The following CSMD1 variants were observed in gnomAD, a reference collection of about 807,000 sequenced individuals.
CSMD1 encodes the protein CUB and sushi domain-containing protein 1.
A neutral mutation model predicts 417.5 loss-of-function variants in CSMD1; 213 were observed. The ratio of observed to expected loss-of-function variants is 0.51; its 90% CI spans 0.46 to 0.57. The LOEUF is 0.57. CSMD1 is among the 20% of genes least tolerant of loss of function. The probability of loss-of-function intolerance (pLI) is 0.00; values close to 1 mark genes in which losing one functional copy is unlikely to be tolerated. For missense variants in CSMD1, 6,923 were observed against 4,529.7 expected (o/e 1.53, Z -15.17); for synonymous variants, 2,862 against 1,736.8 (o/e 1.65, Z -16.11).
At chr8:3,679,534 G>C (rs1045536504) in intron 7 of CSMD1, among the ~76,000 whole-genome samples, 1 of 152,218 alleles carries the variant, frequency 6.6e-6, no homozygotes, top group Non-Finnish European at 1.5e-5. Flanking sequence ...GATTCATAAA[G>C]CAAGTCCTTA....
chr8:4,442,420 T>C (rs1010918482), intron 2 of CSMD1, among the ~76,000 whole-genome samples: 5 of 152,186 alleles, frequency 3.3e-5, no homozygotes, highest in East Asian at 1.9e-4. Context: ...ACTGTATATA[T>C]GAACATATAA....
intron 1 of CSMD1, among the ~76,000 whole-genome samples, chr8:4,803,549 T>C (rs757436346): frequency 3.9e-5 from 6 of 152,150 alleles, no homozygotes; most frequent in Non-Finnish European, 8.8e-5. Flanking sequence ...ACTGTAAATC[T>C]CAGCTGTTTT....
At chr8:4,034,992 T>C (rs1311278906) in intron 3 of CSMD1, among the ~76,000 whole-genome samples, 1 of 152,224 alleles carries the variant, frequency 6.6e-6, no homozygotes, top group Non-Finnish European at 1.5e-5. Context: ...TATACGTTTT[T>C]TCTGTTAAAA....
intron 5 of CSMD1, among the ~76,000 whole-genome samples, chr8:3,971,912 T>C (rs914417599): frequency 1.3e-5 from 2 of 152,192 alleles, no homozygotes; most frequent in African/African-American, 4.8e-5. Flanking sequence ...TTGTTCTTGT[T>C]TGTCTATTTT....
At chr8:3,915,112 G>A (rs145131537) in intron 5 of CSMD1, among the ~76,000 whole-genome samples, 1 of 152,024 alleles carries the variant, frequency 6.6e-6, no homozygotes, top group East Asian at 1.9e-4. Context: ...AGAGTCAAGA[G>A]TTTAGGTAGC....
At chr8:3,172,636 C>A (rs1207115448) in intron 37 of CSMD1, among the ~76,000 whole-genome samples, 1 of 152,040 alleles carries the variant, frequency 6.6e-6, no homozygotes, top group African/African-American at 2.4e-5. Flanking sequence ...ACGTAGGGAA[C>A]CTACAGGACA....
intron 9 of CSMD1, among the ~76,000 whole-genome samples, chr8:3,584,064 A>G (rs1243661221): frequency 6.6e-6 from 1 of 152,082 alleles, no homozygotes; most frequent in Non-Finnish European, 1.5e-5. Flanking sequence ...ATAAGTCATT[A>G]TTTCAGACAA....
intron 3 of CSMD1, among the ~76,000 whole-genome samples, chr8:4,247,365 C>T (rs952097024): frequency 3.3e-5 from 5 of 152,228 alleles, no homozygotes; most frequent in East Asian, 1.9e-4. Flanking sequence ...ACATCTCTTA[C>T]GAGTAAGGTA....
chr8:4,066,426 G>A (rs1452986095), intron 3 of CSMD1, among the ~76,000 whole-genome samples: 1 of 152,206 alleles, frequency 6.6e-6, no homozygotes, highest in East Asian at 1.9e-4. Context: ...ACCACAGAGT[G>A]CCTTGCACAT....
rs187271885 is a variant in CSMD1, at chr8:3,591,762, T to C, written c.1098-5502A>G. On this transcript the variant is annotated intron_variant, in intron 8 of 69. Coordinates refer to ENST00000635120, the MANE Select transcript of CSMD1 (RefSeq NM_033225.6). ...CACAGATAAACGGAGAGACAGATGA[T>C]AGACAAAGAGATGGATGGATGGATA... is the stretch of plus-strand genomic sequence containing the variant. Among the ~76,000 whole-genome samples the C allele has an allele frequency of 2.0e-3, 300 of 149,426 alleles. 2 individuals carry two copies. Among genetic ancestry groups the C allele is most frequent in the Non-Finnish European group, 2.5e-3 (165 of 66,484 alleles).
chr8:4,426,225 G>T lies in CSMD1; in HGVS notation c.303-6160C>A, dbSNP rs1154050. ...AAGAAGCCTTTTATCTATAGTTACC[G>T]GACAAGTTTTCCAGTAAAATAACTT... On this transcript the variant is annotated intron_variant, in intron 2 of 69. Coordinates refer to ENST00000635120, the MANE Select transcript of CSMD1 (RefSeq NM_033225.6). Among the ~76,000 whole-genome samples the T allele has an allele frequency of 7.2e-3, 1,091 of 151,804 alleles. 13 individuals are homozygous for T. Among genetic ancestry groups the T allele is most frequent in the African/African-American group, 0.024 (1,005 of 41,432 alleles).
At position 3,103,697 on chromosome 8, in the gene CSMD1, T is replaced by C. The variant is rs192188946; in HGVS notation, c.6949+2831A>G. Among the ~76,000 whole-genome samples the C allele has an allele frequency of 4.4e-3, 665 of 151,606 alleles. 4 individuals are homozygous for C. The highest frequency in any genetic ancestry group is 7.2e-3 in the Non-Finnish European group (486 of 67,932). ...TGTCATGAATTAAACGTCATTTAAA[T>C]AAGAACTTGGTTCATCTGGAGAGGA... On this transcript the variant is annotated intron_variant, in intron 46 of 69. Transcript: ENST00000635120.
At chr8:4,092,789 A>C (rs1800788592) in intron 3 of CSMD1, among the ~76,000 whole-genome samples, 1 of 152,088 alleles carries the variant, frequency 6.6e-6, no homozygotes, top group African/African-American at 2.4e-5. Context: ...ATTTCATGAA[A>C]TCTATTTTTT....
At chr8:4,130,651 G>A (rs1434830651) in intron 3 of CSMD1, among the ~76,000 whole-genome samples, 1 of 152,050 alleles carries the variant, frequency 6.6e-6, no homozygotes, top group Non-Finnish European at 1.5e-5. Flanking sequence ...TTGTGACTTT[G>A]AAGTAATCAT....
At chr8:3,508,522 A>C (rs1796930759) in intron 10 of CSMD1, among the ~76,000 whole-genome samples, 1 of 152,118 alleles carries the variant, frequency 6.6e-6, no homozygotes, top group South Asian at 2.1e-4. Context: ...AAAAAGAAAA[A>C]ATAGAATATT....
chr8:4,656,536 T>C (rs938842020), intron 1 of CSMD1, among the ~76,000 whole-genome samples: 2 of 152,100 alleles, frequency 1.3e-5, no homozygotes, highest in Non-Finnish European at 2.9e-5. Context: ...TTTGGGTTTG[T>C]TCAAATCTGA....
chr8:4,389,090 T>C (rs980700560), intron 3 of CSMD1, among the ~76,000 whole-genome samples: 1 of 152,202 alleles, frequency 6.6e-6, no homozygotes, highest in Non-Finnish European at 1.5e-5. Flanking sequence ...ATTATAGGAA[T>C]GTTTCCAGTG....
chr8:4,119,291 A>C (rs1802343572), intron 3 of CSMD1, among the ~76,000 whole-genome samples: 1 of 152,190 alleles, frequency 6.6e-6, no homozygotes, highest in African/African-American at 2.4e-5. Flanking sequence ...GAAACAACCC[A>C]AATCTAAATG....
chr8:3,988,746 A>G (rs1462674422), intron 5 of CSMD1, among the ~76,000 whole-genome samples: 1 of 152,256 alleles, frequency 6.6e-6, no homozygotes, highest in African/African-American at 2.4e-5. Context: ...GTTGACGGAC[A>G]TATACAAAAA....
Sources: allele counts gnomAD v4.1 joint callset (sites outside exome capture counted in the v4.1 genomes callset), GRCh38; gene constraint gnomAD v4.1.1; transcripts MANE v1.5; gene names NCBI Gene and HGNC (gene_info 2026-07-23, HGNC 2026-07-21).